WDR7: variants seen among roughly 807,000 people sequenced by gnomAD.
WDR7 encodes WD repeat-containing protein 7.
Under a neutral mutation model 169.4 loss-of-function variants are expected in WDR7, and 46 were observed. The observed-to-expected ratio is 0.27, with a 90% CI of 0.21 to 0.35. WDR7 has a LOEUF of 0.35. Ranked by LOEUF, WDR7 falls within the 10% of genes least tolerant of loss-of-function variation. The pLI, the probability that WDR7 is intolerant of heterozygous loss-of-function variation, is 1.00. For missense variants in WDR7, 1,534 were observed against 1,859.3 expected (o/e 0.83, Z 3.22); for synonymous variants, 612 against 666.8 (o/e 0.92, Z 1.27).
chr18:56,772,586 A>C (rs1046406772), intron 16 of WDR7, among the ~76,000 whole-genome samples: 1 of 152,172 alleles, frequency 6.6e-6, no homozygotes, highest in African/African-American at 2.4e-5. Context: ...CAAGGAAAGA[A>C]GTATGATCTT....
chr18:56,672,529 G>A lies in WDR7; in HGVS notation c.14G>A (p.Ser5Asn). 2 of 1,587,434 alleles carry A rather than the reference G, an allele frequency of 1.3e-6. No individual in the cohort carries two copies. The highest frequency in any genetic ancestry group is 1.7e-6 in the Non-Finnish European group (2 of 1,167,236). The change falls in exon 2 of 28, where the codon AGC (serine) becomes AAC (asparagine). Residue 5 changes from serine to asparagine, a missense_variant. Transcript: ENST00000254442. MAGN[S>N]LVLPIVLWGR... Reference sequence around the variant, plus strand: ...AACACAAACACAATGGCAGGAAACAGCCTTGTTCTACCCATTGTTCTTTGG... The same window carrying A: ...AACACAAACACAATGGCAGGAAACAACCTTGTTCTACCCATTGTTCTTTGG...
chr18:57,030,475 A>T (rs968702919), downstream of WDR7: 3 of 152,206 alleles, frequency 2.0e-5, no homozygotes, highest in African/African-American at 7.2e-5. Flanking sequence ...GTATTCTTAT[A>T]GGGAAAATAG....
intron 22 of WDR7, among the ~76,000 whole-genome samples, chr18:56,927,196 C>G (rs1469008367): frequency 6.6e-6 from 1 of 152,184 alleles, no homozygotes; most frequent in Non-Finnish European, 1.5e-5. Flanking sequence ...CCTGCCTTGT[C>G]TAGAGAACAC....
rs923756195 is a variant in WDR7, at chr18:56,943,552, A to G, written c.4064+4159A>G. 1.2e-4 allele frequency among the ~76,000 whole-genome samples: 18 copies of G among 152,328 alleles called. No homozygotes were observed. In the East Asian group the frequency reaches 1.5e-3, roughly 13 times the overall value. The stretch of plus-strand genomic sequence containing the variant: ...TGCTTATGATTTGGGTATTCACACA[A>G]TATTATTTTTCCATGGATCTCTCTA... On this transcript the variant is annotated intron_variant, in intron 25 of 27. Coordinates refer to ENST00000254442, the MANE Select transcript of WDR7 (RefSeq NM_015285.3).
intron 19 of WDR7, among the ~76,000 whole-genome samples, chr18:56,807,167 AT>A (rs1246032555): frequency 6.7e-6 from 1 of 149,942 alleles, no homozygotes; most frequent in East Asian, 1.9e-4. Flanking sequence ...AAAAAAAAAA[AT>A]TCATGAAGGA....
At chr18:56,681,488 TGGTG>T in intron 4 of WDR7, 97 bp downstream of exon 4, 1 of 756,270 alleles carries the variant, frequency 1.3e-6, no homozygotes, top group Non-Finnish European at 1.9e-6. Flanking sequence ...ATATGAAAAA[TGGTG>T]GGTGGTAGTA....
chr18:56,668,808 C>T (rs893844469), intron 1 of WDR7, among the ~76,000 whole-genome samples: 2 of 151,892 alleles, frequency 1.3e-5, no homozygotes, highest in Admixed American at 6.6e-5. Context: ...AAGGTATTAA[C>T]CTGTTGGAAA....
intron 12 of WDR7, among the ~76,000 whole-genome samples, chr18:56,700,943 A>G (rs2025821404): frequency 6.6e-6 from 1 of 152,232 alleles, no homozygotes; most frequent in Non-Finnish European, 1.5e-5. Flanking sequence ...ACTGATATTT[A>G]GCTTTTACCT....
Position 56,672,530 on chromosome 18 carries a change from C to G in WDR7, c.15C>G (p.Ser5Arg). MAGNSLVLPIVLWGR... is the reference protein window; with the variant it reads MAGNRLVLPIVLWGR... ...ACACAAACACAATGGCAGGAAACAG[C>G]CTTGTTCTACCCATTGTTCTTTGGG... Residue 5 changes from serine to arginine, a missense_variant, in exon 2 of 28, where the codon AGC becomes AGG. Coordinates refer to ENST00000254442, the MANE Select transcript of WDR7 (RefSeq NM_015285.3). The G allele has an allele frequency of 1.3e-6, 2 of 1,588,022 alleles. No individual in the cohort carries two copies. Among genetic ancestry groups the G allele is most frequent in the Non-Finnish European group, 1.7e-6 (2 of 1,167,588 alleles).
chr18:56,681,934 A>G (rs1364975084), intron 4 of WDR7, among the ~76,000 whole-genome samples: 1 of 152,012 alleles, frequency 6.6e-6, no homozygotes, highest in Admixed American at 6.6e-5. Flanking sequence ...ATTCTTTTTT[A>G]CTTTTTCATA....
rs2043898733 is a variant in WDR7 at position 56,756,807 on chromosome 18, A to T, written c.2214A>T (p.Arg738=). Residue 738 remains arginine (R), a synonymous_variant, in exon 15 of 28, where the codon CGA becomes CGT. Transcript: ENST00000254442. The part of the protein sequence containing the change: ...DKGGSFLTGK[R]AAVLFQQVKE... ...GGGGCTCTTTTTTAACTGGAAAACG[A>T]GCAGCAGTTCTCTTCCAACAAGTGA... 1 of 1,614,034 alleles carries T rather than the reference A, an allele frequency of 6.2e-7. No homozygotes were observed. The highest frequency in any genetic ancestry group is 8.5e-7 in the Non-Finnish European group (1 of 1,180,038).
chr18:56,681,863 G>A (rs1336357561), intron 4 of WDR7, among the ~76,000 whole-genome samples: 1 of 152,140 alleles, frequency 6.6e-6, no homozygotes, highest in African/African-American at 2.4e-5. Context: ...TGTTTCATAT[G>A]CCTGGCTTAA....
At chr18:56,870,280 G>A (rs924146980) in intron 20 of WDR7, among the ~76,000 whole-genome samples, 46 of 152,070 alleles carry the variant, frequency 3.0e-4, no homozygotes, top group African/African-American at 1.1e-3. Context: ...CATTTTTATG[G>A]TATTGTACTT....
chr18:56,821,825 T>TC (rs1193760667), intron 20 of WDR7, among the ~76,000 whole-genome samples: 1 of 151,162 alleles, frequency 6.6e-6, no homozygotes, highest in Admixed American at 6.6e-5. Flanking sequence ...AGATACCCTA[T>TC]CTCTACAAAA....
At chr18:56,696,085 A>G (rs936810969) in intron 11 of WDR7, among the ~76,000 whole-genome samples, 157 bp from the exon 12 acceptor site, 1 of 152,238 alleles carries the variant, frequency 6.6e-6, no homozygotes, top group African/African-American at 2.4e-5. Flanking sequence ...TGTGGCTAGT[A>G]GATACTGAAT....
chr18:56,812,916 C>T (rs965895585), intron 19 of WDR7, among the ~76,000 whole-genome samples: 4 of 151,508 alleles, frequency 2.6e-5, no homozygotes, highest in Non-Finnish European at 5.9e-5. Context: ...AATACTTTAC[C>T]GGCTCTCTAG....
intron 20 of WDR7, among the ~76,000 whole-genome samples, chr18:56,843,175 G>A (rs1458318633): frequency 2.0e-5 from 3 of 152,124 alleles, no homozygotes; most frequent in East Asian, 1.9e-4. Flanking sequence ...CAGCTGTCTA[G>A]CTATTGAAAA....
At chr18:56,843,650 A>G (rs758175810) in intron 20 of WDR7, among the ~76,000 whole-genome samples, 25 of 152,236 alleles carry the variant, frequency 1.6e-4, no homozygotes, top group Admixed American at 1.3e-4. Context: ...TTGATATAGA[A>G]CTATCTGTTC....
intron 5 of WDR7, among the ~76,000 whole-genome samples, chr18:56,685,681 A>G (rs188017799): frequency 1.6e-3 from 245 of 152,344 alleles, no homozygotes; most frequent in African/African-American, 5.7e-3. Flanking sequence ...TTAACATAGT[A>G]ATCAAGAACA....
Sources: allele counts gnomAD v4.1 joint callset (sites outside exome capture counted in the v4.1 genomes callset), GRCh38; gene constraint gnomAD v4.1.1; transcripts MANE v1.5; gene names NCBI Gene and HGNC (gene_info 2026-07-23, HGNC 2026-07-21).